The following DAB1 variants were observed in gnomAD, a reference collection of about 807,000 sequenced individuals.
DAB1 encodes the protein DAB adaptor protein 1, also known as disabled homolog 1.
Under a neutral mutation model 64.6 loss-of-function variants are expected in DAB1, and 15 were observed. That is an observed-to-expected ratio of 0.23 (90% CI 0.16 to 0.36). The LOEUF is 0.36. Ranked by LOEUF, DAB1 falls within the 10% of genes least tolerant of loss-of-function variation. DAB1 has a pLI of 1.00. For synonymous variants in DAB1, 235 were observed against 251.9 expected (o/e 0.93, Z 0.64); for missense variants, 596 against 706.7 (o/e 0.84, Z 1.78).
chr1:57,263,939 CA>C (rs1209778154), intron 2 of DAB1, among the ~76,000 whole-genome samples: 3 of 152,070 alleles, frequency 2.0e-5, no homozygotes, highest in Admixed American at 6.6e-5. Flanking sequence ...TACCCTGTAC[CA>C]CAAGGGGAAA....
intron 6 of DAB1, among the ~76,000 whole-genome samples, chr1:57,820,929 C>A (rs567150278): frequency 5.3e-5 from 8 of 152,316 alleles, no homozygotes; most frequent in African/African-American, 1.9e-4. Context: ...AATTATTCCA[C>A]ATCCTAAATC....
chr1:58,339,775 C>G (rs1288036150), intron 4 of DAB1, among the ~76,000 whole-genome samples: 3 of 152,102 alleles, frequency 2.0e-5, no homozygotes. Flanking sequence ...GATAATTTTC[C>G]AAACAGAAAT....
intron 5 of DAB1, among the ~76,000 whole-genome samples, chr1:58,083,981 T>C (rs969607745): frequency 6.6e-6 from 1 of 152,178 alleles, no homozygotes; most frequent in African/African-American, 2.4e-5. Context: ...ACCTGCTTGC[T>C]GTGTTGTTAT....
chr1:57,219,690 A>G (rs61765592), intron 2 of DAB1, among the ~76,000 whole-genome samples: 1,525 of 152,270 alleles, frequency 0.01, 35 homozygotes, highest in East Asian at 0.083. Context: ...GTGGCAGAGA[A>G]TTTGGGGACT....
chr1:58,093,256 G>A (rs935052204), intron 5 of DAB1, among the ~76,000 whole-genome samples: 1 of 152,208 alleles, frequency 6.6e-6, no homozygotes, highest in African/African-American at 2.4e-5. Flanking sequence ...AGGCAGCTGA[G>A]TATGCAATCG....
At chr1:58,544,618 G>T (rs1417554704) in intron 1 of DAB1, among the ~76,000 whole-genome samples, 1 of 152,124 alleles carries the variant, frequency 6.6e-6, no homozygotes, top group African/African-American at 2.4e-5. Context: ...TCGAGACAGG[G>T]TCTCACTTTG....
chr1:57,984,738 AT>A (rs1410989358), intron 5 of DAB1, among the ~76,000 whole-genome samples: 1 of 152,212 alleles, frequency 6.6e-6, no homozygotes, highest in Non-Finnish European at 1.5e-5. Flanking sequence ...GTTAAATTGC[AT>A]TTATCTGCTC....
chr1:58,259,710 T>G (rs908726329), intron 4 of DAB1, among the ~76,000 whole-genome samples: 7 of 152,142 alleles, frequency 4.6e-5, no homozygotes, highest in Admixed American at 2.6e-4. Flanking sequence ...AGAGAGGGGA[T>G]GGGAGGAGAT....
intron 6 of DAB1, among the ~76,000 whole-genome samples, chr1:57,664,435 T>C (rs72679209): frequency 0.011 from 1,747 of 152,360 alleles, 20 homozygotes; most frequent in Non-Finnish European, 0.017. Context: ...TTCCAATACA[T>C]GTATAGCTAG....
At position 57,352,608 on chromosome 1, in the gene DAB1, G is replaced by T. The variant is rs78354976; in HGVS notation, c.-136-61442C>A. Reference sequence around the variant, plus strand: ...TTACAGACCAAGAAACCAAGGCATAGAAATTTAAAAATTTGTCTAAAGATA... The same window carrying T: ...TTACAGACCAAGAAACCAAGGCATATAAATTTAAAAATTTGTCTAAAGATA... On this transcript the variant is annotated intron_variant, in intron 1 of 14. Coordinates refer to ENST00000371236, the MANE Select transcript of DAB1 (RefSeq NM_001365792.1). Among the ~76,000 whole-genome samples, 774 of 152,170 alleles carry T rather than the reference G, an allele frequency of 5.1e-3. 9 individuals carry two copies. The highest frequency in any genetic ancestry group is 0.018 in the African/African-American group (744 of 41,532).
chr1:57,978,063 T>C (rs1396605017), intron 5 of DAB1, among the ~76,000 whole-genome samples: 1 of 152,126 alleles, frequency 6.6e-6, no homozygotes, highest in Non-Finnish European at 1.5e-5. Context: ...GCAAAAAAAT[T>C]ACTTTAAAGT....
intron 7 of DAB1, chr1:57,070,678 G>C: frequency 3.9e-6 from 1 of 255,084 alleles, no homozygotes; most frequent in Non-Finnish European, 7.6e-6. Context: ...ACTCAGAGAA[G>C]CCACCTCATT....
chr1:57,549,869 C>T (rs565294526), intron 7 of DAB1, among the ~76,000 whole-genome samples: 2 of 152,156 alleles, frequency 1.3e-5, no homozygotes, highest in African/African-American at 4.8e-5. Flanking sequence ...GTTCTAAGTA[C>T]CAGATTTAAA....
At chr1:58,146,949 A>G (rs976676988) in intron 5 of DAB1, among the ~76,000 whole-genome samples, 2 of 152,228 alleles carry the variant, frequency 1.3e-5, no homozygotes, top group African/African-American at 2.4e-5. Flanking sequence ...GACAAGAAAT[A>G]GTAAGTGTTG....
chr1:57,612,188 C>T (rs1645734736), intron 7 of DAB1, among the ~76,000 whole-genome samples: 1 of 123,640 alleles, frequency 8.1e-6, no homozygotes, highest in Non-Finnish European at 1.7e-5. Flanking sequence ...CCATGTTTGG[C>T]ATGATCTTGT....
intron 7 of DAB1, among the ~76,000 whole-genome samples, chr1:57,579,037 G>A (rs963570502): frequency 3.3e-5 from 5 of 152,174 alleles, no homozygotes; most frequent in East Asian, 1.9e-4. Flanking sequence ...CCAAGAAGCA[G>A]GGGGTCAGAT....
chr1:58,212,240 G>A (rs1570490258), intron 4 of DAB1, among the ~76,000 whole-genome samples: 1 of 152,136 alleles, frequency 6.6e-6, no homozygotes, highest in Non-Finnish European at 1.5e-5. Flanking sequence ...TGCCCACTAG[G>A]TGCGAAGTAC....
chr1:57,842,899 C>G (rs1212253008), intron 1 of DAB1, among the ~76,000 whole-genome samples: 1 of 152,134 alleles, frequency 6.6e-6, no homozygotes, highest in African/African-American at 2.4e-5. Context: ...TGGGCAAAAT[C>G]CTCTAACTCA....
chr1:57,664,178 T>C (rs1035187315), intron 6 of DAB1, among the ~76,000 whole-genome samples: 5 of 152,188 alleles, frequency 3.3e-5, no homozygotes, highest in Admixed American at 6.5e-5. Context: ...TTGGTAGATA[T>C]ATTATTAGTT....
Sources: gnomAD v4.1 joint callset for allele counts (sites outside exome capture counted in the v4.1 genomes callset) on GRCh38, gnomAD v4.1.1 for gene constraint, MANE v1.5 for transcripts, NCBI Gene and HGNC (gene_info 2026-07-23, HGNC 2026-07-21) for gene names.